Variants in CA10 observed in about 807,000 individuals in gnomAD.
The protein encoded by CA10 is carbonic anhydrase-related protein 10.
CA10 carries 14 observed loss-of-function variants against 44.2 expected under a neutral mutation model. The ratio of observed to expected loss-of-function variants is 0.32; its 90% CI spans 0.21 to 0.50. CA10 has a LOEUF of 0.50. Ranked by LOEUF, CA10 falls within the 20% of genes least tolerant of loss-of-function variation. CA10 has a pLI of 0.99. For synonymous variants in CA10, 159 were observed against 141.6 expected, an observed-to-expected ratio of 1.12 and a Z score of -0.87; for missense variants, 350 against 409.7, an observed-to-expected ratio of 0.85 and a Z score of 1.26.
intron 6 of CA10, among the ~76,000 whole-genome samples, chr17:51,641,769 C>G (rs1426859721): frequency 2.1e-5 from 3 of 142,680 alleles, no homozygotes; most frequent in Admixed American, 7.2e-5. Context: ...TCGGGGGAAA[C>G]TTTCCCTCAG....
At chr17:51,843,409 G>A (rs1402225001) in intron 3 of CA10, among the ~76,000 whole-genome samples, 1 of 152,170 alleles carries the variant, frequency 6.6e-6, no homozygotes, top group Non-Finnish European at 1.5e-5. Context: ...ACTGGTTTTT[G>A]CCTTGCACAC....
intron 2 of CA10, among the ~76,000 whole-genome samples, chr17:51,945,248 A>T (rs1331648548): frequency 5.9e-5 from 9 of 152,102 alleles, no homozygotes; most frequent in Admixed American, 4.6e-4. Context: ...TCAGCTGCCA[A>T]TTGATGTTTT....
chr17:51,666,436 GA>G (rs1435967526), intron 4 of CA10, among the ~76,000 whole-genome samples: 1 of 152,200 alleles, frequency 6.6e-6, no homozygotes, highest in Non-Finnish European at 1.5e-5. Flanking sequence ...CAGGGGTAGG[GA>G]ATGTTGATGA....
chr17:51,707,669 A>ATGTGTGTG (rs1491192056), intron 4 of CA10, among the ~76,000 whole-genome samples: 1,038 of 39,782 alleles, frequency 0.026, 17 homozygotes, highest in African/African-American at 0.066. Flanking sequence ...AAGTGGATGA[A>ATGTGTGTG]TATGTGTGTG....
intron 3 of CA10, among the ~76,000 whole-genome samples, chr17:51,917,350 G>T (rs1485643500): frequency 6.6e-6 from 1 of 152,222 alleles, no homozygotes; most frequent in African/African-American, 2.4e-5. Context: ...CCTTTCAGAA[G>T]GTACTGAAGG....
At chr17:52,027,530 G>A (rs1986337992) in intron 2 of CA10, among the ~76,000 whole-genome samples, 1 of 152,082 alleles carries the variant, frequency 6.6e-6, no homozygotes, top group Non-Finnish European at 1.5e-5. Context: ...GGGAGTCTAG[G>A]ATCTAAAATT....
intron 1 of CA10, among the ~76,000 whole-genome samples, chr17:52,081,783 G>C (rs1013127014): frequency 4.0e-5 from 5 of 126,184 alleles, no homozygotes; most frequent in African/African-American, 1.2e-4. Context: ...CTGGGCGACA[G>C]AGCGAGACTC....
rs1983170161 is a variant in CA10 at position 51,943,707 on chromosome 17, C to T, written c.137-12575G>A. On this transcript the variant is annotated intron_variant, in intron 2 of 8. Transcript: ENST00000451037. ...GTCTATGGCGGGATCCAGAGATTTG[C>T]ATTATTTAACAAGCAGCCCAGCTAC... 3.3e-5 allele frequency among the ~76,000 whole-genome samples: 5 copies of T among 152,122 alleles called. No homozygotes were observed. The South Asian group carries it at 1.0e-3, about 32-fold the overall frequency.
intron 1 of CA10, among the ~76,000 whole-genome samples, chr17:52,153,249 A>G (rs1333072102): frequency 6.6e-6 from 1 of 152,180 alleles, no homozygotes; most frequent in African/African-American, 2.4e-5. Flanking sequence ...GCTATATGAC[A>G]TCACATGGGA....
intron 2 of CA10, among the ~76,000 whole-genome samples, chr17:52,034,068 C>T (rs970413909): frequency 7.9e-5 from 12 of 152,198 alleles, no homozygotes; most frequent in African/African-American, 2.9e-4. Context: ...GGGTACAAAG[C>T]ACTTTATCCG....
At chr17:51,860,949 C>A (rs1979276453) in intron 3 of CA10, among the ~76,000 whole-genome samples, 1 of 152,168 alleles carries the variant, frequency 6.6e-6, no homozygotes, top group African/African-American at 2.4e-5. Context: ...ATTGCGCTGA[C>A]CTCCTATGAA....
intron 3 of CA10, among the ~76,000 whole-genome samples, chr17:51,753,670 G>A (rs1158179673): frequency 6.6e-6 from 1 of 152,106 alleles, no homozygotes; most frequent in Non-Finnish European, 1.5e-5. Flanking sequence ...AAGATATTAG[G>A]CTAAACCCAT....
At chr17:52,030,395 A>T (rs1291602730) in intron 2 of CA10, among the ~76,000 whole-genome samples, 1 of 151,992 alleles carries the variant, frequency 6.6e-6, no homozygotes, top group African/African-American at 2.4e-5. Flanking sequence ...CATGGAGAGG[A>T]GGAGGTGGGA....
chr17:52,093,270 CAT>C (rs2143218048), intron 1 of CA10, among the ~76,000 whole-genome samples: 1 of 152,282 alleles, frequency 6.6e-6, no homozygotes, highest in East Asian at 1.9e-4. Context: ...TTAACCAACT[CAT>C]AGAATTATCT....
chr17:51,859,748 C>T (rs927804951), intron 3 of CA10, among the ~76,000 whole-genome samples: 5 of 152,152 alleles, frequency 3.3e-5, no homozygotes, highest in South Asian at 2.1e-4. Flanking sequence ...GACTAAAAGA[C>T]GTGATGCAAA....
chr17:52,133,975 T>C lies in CA10; in HGVS notation c.61+23751A>G, dbSNP rs181615297. ...GGAAGTGAGATCTATAAAGGTGTCT[T>C]AGCATATCATGCTGGTGATGTGAGC... On this transcript the variant is annotated intron_variant, in intron 1 of 8. Transcript: ENST00000451037. Among the ~76,000 whole-genome samples, 50 of 152,320 alleles carry C rather than the reference T, an allele frequency of 3.3e-4. 1 individual carries two copies. The East Asian group carries it at 8.7e-3, about 26-fold the overall frequency.
chr17:51,801,976 AGGGTGT>A (rs1906950298), intron 3 of CA10, among the ~76,000 whole-genome samples: 1 of 152,232 alleles, frequency 6.6e-6, no homozygotes, highest in Non-Finnish European at 1.5e-5. Context: ...AAGGAGGTGC[AGGGTGT>A]GGTCTAGATG....
intron 4 of CA10, among the ~76,000 whole-genome samples, chr17:51,719,418 G>T (rs1376109513): frequency 6.6e-6 from 1 of 152,160 alleles, no homozygotes; most frequent in Admixed American, 6.5e-5. Context: ...GAAGATCCAT[G>T]GTGTATTTCC....
At chr17:51,711,147 C>T (rs1310702497) in intron 4 of CA10, among the ~76,000 whole-genome samples, 2 of 152,104 alleles carry the variant, frequency 1.3e-5, no homozygotes, top group Non-Finnish European at 2.9e-5. Flanking sequence ...ATCCAACAAG[C>T]TCAACATCAA....
Sources: gnomAD v4.1 joint callset for allele counts (sites outside exome capture counted in the v4.1 genomes callset) on GRCh38, gnomAD v4.1.1 for gene constraint, MANE v1.5 for transcripts, NCBI Gene and HGNC (gene_info 2026-07-23, HGNC 2026-07-21) for gene names.